The following NPL variants were observed in gnomAD, a reference collection of about 807,000 sequenced individuals.
NPL encodes the protein N-acetylneuraminate pyruvate lyase.
A neutral mutation model predicts 41.1 loss-of-function variants in NPL; 32 were observed. That is an observed-to-expected ratio of 0.78 (90% CI 0.59 to 1.05). The LOEUF is 1.05. Among genes scored for constraint, NPL ranks in the 50% least tolerant of loss-of-function variants. The pLI, the probability that NPL is intolerant of heterozygous loss-of-function variation, is 0.00. For missense variants in NPL, 321 were observed against 378.4 expected (o/e 0.85, Z 1.26); for synonymous variants, 128 against 134.9 (o/e 0.95, Z 0.35).
chr1:182,790,031 T>A (rs575251479), intron 1 of NPL, among the ~76,000 whole-genome samples: 14 of 152,206 alleles, frequency 9.2e-5, no homozygotes, highest in African/African-American at 3.4e-4. Flanking sequence ...CTCCCCCGGA[T>A]TGTTTGCAGA....
rs748226964 is a variant in NPL, at chr1:182,829,300, T to C, written c.*392T>C. The C allele has an allele frequency of 1.2e-5, 14 of 1,191,468 alleles. No individual in the cohort carries two copies. Among genetic ancestry groups the C allele is most frequent in the Non-Finnish European group, 1.3e-5 (12 of 959,214 alleles). 73.8% of individuals were successfully genotyped at this position (1,191,468 alleles called of 1,614,324 possible). The stretch of plus-strand genomic sequence containing the variant: ...TATAATATGTCTTCATTTTAATAAA[T>C]ATTCATTTGGAATCTAGGAAAACTC... On this transcript the variant is annotated 3_prime_UTR_variant, in exon 13 of 13. Transcript: ENST00000367553.
At position 182,819,675 on chromosome 1, in the gene NPL, G is replaced by A. The variant is rs574131155; in HGVS notation, c.653+816G>A. ...GTTTAGAAGCATCTGTTGCAGTTAC[G>A]GGTGAGACACATGACCACATGAATT... is the stretch of plus-strand genomic sequence containing the variant. On this transcript the variant is annotated intron_variant, in intron 10 of 12. Transcript: ENST00000367553. Among the ~76,000 whole-genome samples the A allele has an allele frequency of 2.0e-5, 3 of 152,204 alleles. No homozygotes were observed. The South Asian group carries it at 6.2e-4, about 32-fold the overall frequency.
intron 5 of NPL, among the ~76,000 whole-genome samples, chr1:182,811,503 A>T (rs1667174912): frequency 6.6e-6 from 1 of 152,148 alleles, no homozygotes. Flanking sequence ...TGCTGGGATT[A>T]TAGATATGAG....
chr1:182,806,502 C>G, intron 5 of NPL: 2 of 1,536,256 alleles, frequency 1.3e-6, no homozygotes, highest in Non-Finnish European at 1.7e-6. Context: ...AGGCCAGTCC[C>G]CTCACAGTTA....
chr1:182,818,936 T>G, intron 10 of NPL, 77 bp downstream of exon 10: 1 of 1,183,750 alleles, frequency 8.4e-7, no homozygotes, highest in Non-Finnish European at 1.3e-6. Flanking sequence ...CTGTATTTCT[T>G]GCATGTGTAT....
chr1:182,814,654 A>C, intron 6 of NPL, 129 bp from the exon 7 acceptor site: 1 of 790,814 alleles, frequency 1.3e-6, no homozygotes, highest in South Asian at 1.5e-5. Context: ...AAATTTGGTT[A>C]ATTTTCCCAC....
intron 5 of NPL, among the ~76,000 whole-genome samples, chr1:182,810,651 G>T (rs568128469): frequency 6.6e-6 from 1 of 151,248 alleles, no homozygotes; most frequent in African/African-American, 2.4e-5. Context: ...TAGTTTTGCA[G>T]CATTAAAAGG....
chr1:182,827,617 TA>T (rs1667663440), intron 12 of NPL, among the ~76,000 whole-genome samples: 1 of 152,030 alleles, frequency 6.6e-6, no homozygotes, highest in Admixed American at 6.5e-5. Flanking sequence ...CCTAAATATA[TA>T]TATTTTTTTC....
At chr1:182,791,766 G>C (rs534950297) in intron 1 of NPL, among the ~76,000 whole-genome samples, 2 of 152,246 alleles carry the variant, frequency 1.3e-5, no homozygotes, top group South Asian at 4.1e-4. Flanking sequence ...ACAAGACTAC[G>C]GAGTTTTATT....
intron 3 of NPL, among the ~76,000 whole-genome samples, chr1:182,794,751 G>A (rs142229853): frequency 1.4e-4 from 22 of 152,306 alleles, no homozygotes; most frequent in Admixed American, 1.4e-3. Flanking sequence ...CACAGCCTTG[G>A]CCTTTCTAAA....
intron 5 of NPL, among the ~76,000 whole-genome samples, chr1:182,808,806 A>G (rs1038417995): frequency 6.6e-6 from 1 of 152,012 alleles, no homozygotes; most frequent in African/African-American, 2.4e-5. Context: ...AATAAAAATA[A>G]TAATTAGCCG....
intron 7 of NPL, among the ~76,000 whole-genome samples, chr1:182,815,187 A>AT (rs140344011): frequency 0.023 from 3,477 of 152,218 alleles, 135 homozygotes; most frequent in African/African-American, 0.08. Context: ...GCATGGGACC[A>AT]TTTTTCTTAG....
chr1:182,826,852 C>T (rs1000531507), intron 12 of NPL: 21 of 152,232 alleles, frequency 1.4e-4, no homozygotes, highest in African/African-American at 4.8e-4. Context: ...CAGTGGATGC[C>T]TGAAATTGCA....
At chr1:182,795,737 A>G (rs887413518) in intron 3 of NPL, 2 of 152,182 alleles carry the variant, frequency 1.3e-5, no homozygotes, top group Non-Finnish European at 2.9e-5. Flanking sequence ...AAGTTTTAAG[A>G]AAGACTGGCA....
intron 7 of NPL, 152 bp downstream of exon 7, chr1:182,815,010 C>T: frequency 1.5e-6 from 1 of 661,914 alleles, no homozygotes; most frequent in Non-Finnish European, 2.7e-6. Context: ...AATATTTGCT[C>T]TCCCTGGATC....
At chr1:182,801,836 C>T (rs1666856197) in intron 3 of NPL, among the ~76,000 whole-genome samples, 1 of 151,492 alleles carries the variant, frequency 6.6e-6, no homozygotes, top group Non-Finnish European at 1.5e-5. Context: ...GACCTTGTCT[C>T]CAAAAAAACA....
In NPL at chr1:182,821,817, C is replaced by A. The variant is rs143280982; in HGVS notation, c.654-298C>A. On this transcript the variant is annotated intron_variant, in intron 10 of 12. Transcript: ENST00000367553. ...TGTCTAGCATTGCACCTGTGTGTAC[C>A]CTAGGGCAAGAGCTGGCCTCAGTCG... Among the ~76,000 whole-genome samples the A allele has an allele frequency of 4.3e-4, 66 of 152,294 alleles. No homozygotes were observed. In the East Asian group the frequency reaches 0.012, roughly 28 times the overall value.
chr1:182,829,730 T>TGCAGAAAGGAAG lies in NPL; in HGVS notation c.*822_*823insGCAGAAAGGAAG. On this transcript the variant is annotated 3_prime_UTR_variant, in exon 13 of 13. Coordinates refer to ENST00000367553, the MANE Select transcript of NPL (RefSeq NM_030769.3). ...TGAATTATTGAAATCGAAGGCTGAC[T>TGCAGAAAGGAAG]TCCTTTCTGCAGTGAGCCCAGGGGC... 8.5e-7 allele frequency: 1 copy of TGCAGAAAGGAAG among 1,182,946 alleles called. No individual in the cohort carries two copies. The highest frequency in any genetic ancestry group is 1.2e-6 in the Non-Finnish European group (1 of 812,882). The allele number at this position is 1,182,946 out of a possible 1,614,324, so 73.3% of individuals were successfully genotyped here. A position where few individuals can be genotyped will look rare whatever the true frequency, so the allele number is the denominator to read the frequency against.
chr1:182,819,472 G>A lies in NPL; in HGVS notation c.653+613G>A, dbSNP rs182516576. 1.0e-2 allele frequency among the ~76,000 whole-genome samples: 1,505 copies of A among 150,688 alleles called. 21 individuals carry two copies. The highest frequency in any genetic ancestry group is 0.032 in the African/African-American group (1,319 of 40,948). On this transcript the variant is annotated intron_variant, in intron 10 of 12. Transcript: ENST00000367553. ...AAAAAAAAAAAAAAATTAGCCAGGC[G>A]TGGTGGCAGGCACCTGTAATCCCAG...
Sources: allele counts gnomAD v4.1 joint callset (sites outside exome capture counted in the v4.1 genomes callset), GRCh38; gene constraint gnomAD v4.1.1; transcripts MANE v1.5; gene names NCBI Gene and HGNC (gene_info 2026-07-23, HGNC 2026-07-21).